Variants in SLCO1B1 observed in about 807,000 individuals in gnomAD.
SLCO1B1 encodes solute carrier organic anion transporter family member 1B1.
In SLCO1B1, 81 loss-of-function variants were observed where a neutral mutation model predicts 70.1. The ratio of observed to expected loss-of-function variants is 1.16; its 90% CI spans 0.97 to 1.39. The LOEUF (loss-of-function observed/expected upper bound fraction) is 1.39. SLCO1B1 is among the 40% of genes most tolerant of loss of function. SLCO1B1 has a pLI of 0.00. For synonymous variants in SLCO1B1, 283 were observed against 271.5 expected, an observed-to-expected ratio of 1.04 and a Z score of -0.42; for missense variants, 895 against 799.6, an observed-to-expected ratio of 1.12 and a Z score of -1.44.
intron 2 of SLCO1B1, among the ~76,000 whole-genome samples, chr12:21,147,358 A>G (rs548323394): frequency 1.5e-4 from 23 of 152,092 alleles, no homozygotes; most frequent in Admixed American, 3.9e-4. Context: ...ACATAGGTAA[A>G]CACATGCCAT....
intron 14 of SLCO1B1, among the ~76,000 whole-genome samples, chr12:21,235,099 T>TA (rs1941583537): frequency 6.6e-6 from 1 of 150,442 alleles, no homozygotes; most frequent in Non-Finnish European, 1.5e-5. Flanking sequence ...TTTTTTTTTT[T>TA]AGCTTTTGGC....
intron 2 of SLCO1B1, among the ~76,000 whole-genome samples, chr12:21,166,959 T>C (rs1334599107): frequency 1.3e-5 from 2 of 152,124 alleles, no homozygotes; most frequent in East Asian, 3.8e-4. Context: ...AAGAATATTT[T>C]TAGTGATTAA....
intron 1 of SLCO1B1, among the ~76,000 whole-genome samples, chr12:21,140,721 A>T (rs945078221): frequency 6.6e-6 from 1 of 152,032 alleles, no homozygotes; most frequent in Non-Finnish European, 1.5e-5. Flanking sequence ...AAAGGTAGAG[A>T]ATGATGTTTA....
chr12:21,203,743 A>G (rs1242984657), intron 10 of SLCO1B1, among the ~76,000 whole-genome samples: 2 of 152,082 alleles, frequency 1.3e-5, no homozygotes, highest in Non-Finnish European at 2.9e-5. Flanking sequence ...TGAATTTTAG[A>G]GGTAAAAGAA....
At chr12:21,230,649 T>A (rs1941526072) in intron 14 of SLCO1B1, among the ~76,000 whole-genome samples, 1 of 152,006 alleles carries the variant, frequency 6.6e-6, no homozygotes, top group Non-Finnish European at 1.5e-5. Context: ...ATTCTTTTCT[T>A]GTAATGTCTT....
intron 11 of SLCO1B1, among the ~76,000 whole-genome samples, chr12:21,214,937 G>A (rs1444347128): frequency 6.6e-6 from 1 of 151,872 alleles, no homozygotes; most frequent in African/African-American, 2.4e-5. Flanking sequence ...CACGGTGCGC[G>A]CACCCACTGA....
At chr12:21,218,671 A>C (rs1159854067) in intron 12 of SLCO1B1, among the ~76,000 whole-genome samples, 3 of 152,180 alleles carry the variant, frequency 2.0e-5, no homozygotes, top group African/African-American at 7.2e-5. Context: ...TAACATATTA[A>C]AAATAACCTT....
At chr12:21,215,015 AC>A (rs1941341280) in intron 11 of SLCO1B1, among the ~76,000 whole-genome samples, 2 of 151,926 alleles carry the variant, frequency 1.3e-5, no homozygotes, top group East Asian at 3.9e-4. Context: ...TGCAGAAATC[AC>A]CCGTCTTCTG....
chr12:21,217,620 G>T (rs1032913853), intron 12 of SLCO1B1, among the ~76,000 whole-genome samples: 1 of 152,052 alleles, frequency 6.6e-6, no homozygotes, highest in African/African-American at 2.4e-5. Context: ...ATTTTGAGTT[G>T]CCTTACATCC....
intron 1 of SLCO1B1, among the ~76,000 whole-genome samples, chr12:21,133,533 G>A (rs1940171980): frequency 6.6e-6 from 1 of 152,046 alleles, no homozygotes; most frequent in African/African-American, 2.4e-5. Flanking sequence ...AGTTCTCCTT[G>A]AAGAGGTCCT....
chr12:21,147,545 C>T (rs147853490), intron 2 of SLCO1B1, among the ~76,000 whole-genome samples: 23 of 152,246 alleles, frequency 1.5e-4, no homozygotes, highest in African/African-American at 5.1e-4. Flanking sequence ...TGGATTTCTG[C>T]TCCTATGTTA....
intron 2 of SLCO1B1, among the ~76,000 whole-genome samples, chr12:21,143,553 A>G (rs1387565067): frequency 6.6e-6 from 1 of 152,002 alleles, no homozygotes; most frequent in South Asian, 2.1e-4. Flanking sequence ...CCATAATTCT[A>G]TCAACTGGAT....
At chr12:21,150,384 G>A (rs546392191) in intron 2 of SLCO1B1, among the ~76,000 whole-genome samples, 65 of 152,220 alleles carry the variant, frequency 4.3e-4, no homozygotes, top group African/African-American at 1.4e-3. Flanking sequence ...CCTGACTCCC[G>A]TGCCTCCTGA....
chr12:21,183,366 GTGTTATTT>G (rs1388253180), intron 7 of SLCO1B1, among the ~76,000 whole-genome samples: 52 of 152,162 alleles, frequency 3.4e-4, no homozygotes, highest in Middle Eastern at 3.4e-3. Context: ...TGGCTAATAT[GTGTTATTT>G]TCTGTAAAGA....
chr12:21,136,710 GT>G (rs1344749867), intron 1 of SLCO1B1, among the ~76,000 whole-genome samples: 1 of 152,006 alleles, frequency 6.6e-6, no homozygotes, highest in Non-Finnish European at 1.5e-5. Context: ...CTCTGCATTG[GT>G]TATTCTAGTT....
chr12:21,205,820 T>C (rs1591819931), intron 10 of SLCO1B1, 48 bp from the exon 11 acceptor site: 1 of 1,423,902 alleles, frequency 7.0e-7, no homozygotes, highest in African/African-American at 1.4e-5. Flanking sequence ...TCTTTGTCTT[T>C]TTCTTCTCTC....
intron 2 of SLCO1B1, among the ~76,000 whole-genome samples, chr12:21,148,880 G>A (rs903858976): frequency 6.6e-6 from 1 of 151,880 alleles, no homozygotes; most frequent in African/African-American, 2.4e-5. Flanking sequence ...CCATTTATTT[G>A]TGTCCTCTCT....
chr12:21,196,838 T>A lies in SLCO1B1; in HGVS notation c.728-108T>A, dbSNP rs1311274551. 10 of 1,139,914 alleles carry A rather than the reference T, an allele frequency of 8.8e-6. No homozygotes were observed. In the African/African-American group the frequency reaches 1.6e-4, roughly 18 times the overall value. 70.6% of individuals were successfully genotyped at this position (1,139,914 alleles called of 1,614,324 possible). ...ACAAAAAATTAAAAGAAAAAAATCG[T>A]GTCTTGGAATTGAGGAAATGTAGTT... On this transcript the variant is annotated intron_variant, in intron 7 of 14. Transcript: ENST00000256958.
intron 1 of SLCO1B1, 125 bp from the exon 2 acceptor site, chr12:21,141,389 A>G: frequency 2.2e-6 from 1 of 448,956 alleles, no homozygotes; most frequent in African/African-American, 2.0e-5. Context: ...AGTGGTAACG[A>G]CATAGTAGAC....
Sources: allele counts gnomAD v4.1 joint callset (sites outside exome capture counted in the v4.1 genomes callset), GRCh38; gene constraint gnomAD v4.1.1; transcripts MANE v1.5; gene names NCBI Gene and HGNC (gene_info 2026-07-23, HGNC 2026-07-21).